The following PLSCR4 variants were observed in gnomAD, a reference collection of about 807,000 sequenced individuals.
PLSCR4 encodes the protein phospholipid scramblase 4, also known as Ca(2+)-dependent phospholipid scramblase 4.
In PLSCR4, 25 loss-of-function variants were observed where a neutral mutation model predicts 36.3. The ratio of observed to expected loss-of-function variants is 0.69; its 90% CI spans 0.50 to 0.96. The LOEUF (loss-of-function observed/expected upper bound fraction) is 0.96, where lower values mean the gene tolerates loss of function less well. PLSCR4 is among the 40% of genes least tolerant of loss of function. PLSCR4 has a pLI of 0.00. For synonymous variants in PLSCR4, 122 were observed against 132.9 expected (o/e 0.92, Z 0.56); for missense variants, 408 against 414.7 (o/e 0.98, Z 0.14).
At chr3:146,198,568 T>C (rs1462183879) in intron 6 of PLSCR4, among the ~76,000 whole-genome samples, 1 of 151,904 alleles carries the variant, frequency 6.6e-6, no homozygotes. Flanking sequence ...GCCTGGCTAA[T>C]TTTTTTATTT....
intron 1 of PLSCR4, among the ~76,000 whole-genome samples, chr3:146,228,393 A>T (rs1309551326): frequency 6.6e-6 from 1 of 152,122 alleles, no homozygotes; most frequent in Non-Finnish European, 1.5e-5. Context: ...ACTAATTCCC[A>T]TCTTCTATAT....
At chr3:146,212,379 C>A (rs1399164697) in intron 3 of PLSCR4, among the ~76,000 whole-genome samples, 1 of 149,662 alleles carries the variant, frequency 6.7e-6, no homozygotes, top group African/African-American at 2.5e-5. Flanking sequence ...TATATCCTAA[C>A]ACACTGCTGA....
chr3:146,225,608 C>T (rs1357136204), intron 1 of PLSCR4, among the ~76,000 whole-genome samples: 1 of 152,202 alleles, frequency 6.6e-6, no homozygotes, highest in Non-Finnish European at 1.5e-5. Flanking sequence ...GGTGAGAAAT[C>T]GAGCACAGCA....
intron 3 of PLSCR4, among the ~76,000 whole-genome samples, chr3:146,214,978 A>C (rs1321259524): frequency 1.3e-5 from 2 of 151,990 alleles, no homozygotes; most frequent in Non-Finnish European, 2.9e-5. Flanking sequence ...ATATGAATAC[A>C]CTCATTCTGT....
intron 3 of PLSCR4, among the ~76,000 whole-genome samples, chr3:146,216,037 C>G (rs2034877291): frequency 6.6e-6 from 1 of 152,102 alleles, no homozygotes; most frequent in Non-Finnish European, 1.5e-5. Flanking sequence ...TTGAGACCAG[C>G]CTGGCCAACA....
At chr3:146,206,800 C>A in intron 3 of PLSCR4, 39 bp from the exon 4 acceptor site, 1 of 1,284,758 alleles carries the variant, frequency 7.8e-7, no homozygotes, top group Non-Finnish European at 1.1e-6. Flanking sequence ...ATATTATTAA[C>A]ACTAAAGTTA....
chr3:146,195,308 T>A, intron 7 of PLSCR4, 26 bp from the exon 8 acceptor site: 2 of 1,596,164 alleles, frequency 1.3e-6, no homozygotes, highest in Non-Finnish European at 1.7e-6. Flanking sequence ...TGTGCCTTTA[T>A]GATGATTGAA....
rs1364951918 is a variant in PLSCR4 at position 146,194,350 on chromosome 3, A to C, written c.*61T>G. On this transcript the variant is annotated 3_prime_UTR_variant, in exon 9 of 9. Coordinates refer to ENST00000354952, the MANE Select transcript of PLSCR4 (RefSeq NM_020353.3). ...TGCAAATAACTGAGTGCTGACTGTA[A>C]GCCCAATCCAACTTTTCCATTTTTC... The C allele has an allele frequency of 5.5e-6, 6 of 1,094,714 alleles. No individual in the cohort carries two copies. The highest frequency in any genetic ancestry group is 8.5e-6 in the Non-Finnish European group (6 of 708,258). 67.8% of individuals were successfully genotyped at this position (1,094,714 alleles called of 1,614,324 possible).
intron 7 of PLSCR4, 200 bp downstream of exon 7, chr3:146,196,432 T>TA (rs112553577): frequency 0.024 from 13,264 of 549,678 alleles, 1,348 homozygotes; most frequent in African/African-American, 0.22. Context: ...ACTGAAGTCA[T>TA]AAAAAAAGCT....
intron 1 of PLSCR4, among the ~76,000 whole-genome samples, chr3:146,240,059 AG>A (rs1315073511): frequency 1.3e-5 from 2 of 152,212 alleles, no homozygotes; most frequent in African/African-American, 4.8e-5. Context: ...AAAATTTAAA[AG>A]GTTTGTAATT....
intron 6 of PLSCR4, 45 bp from the exon 7 acceptor site, chr3:146,196,838 A>T (rs776390502): frequency 6.5e-7 from 1 of 1,530,476 alleles, no homozygotes; most frequent in Non-Finnish European, 9.0e-7. Flanking sequence ...ACATGCATAC[A>T]CATACACTTA....
At chr3:146,200,287 G>T (rs1336350622) in intron 5 of PLSCR4, among the ~76,000 whole-genome samples, 2 of 151,934 alleles carry the variant, frequency 1.3e-5, no homozygotes, top group Non-Finnish European at 2.9e-5. Flanking sequence ...TAAAAGAAAA[G>T]ATTGAAACAA....
chr3:146,221,278 A>C (rs1244238605), intron 2 of PLSCR4, among the ~76,000 whole-genome samples: 1 of 152,216 alleles, frequency 6.6e-6, no homozygotes, highest in African/African-American at 2.4e-5. Flanking sequence ...AATATGGAGA[A>C]CACAAGCATT....
At chr3:146,221,261 T>A (rs9874234) in intron 2 of PLSCR4, among the ~76,000 whole-genome samples, 53,013 of 151,840 alleles carry the variant, frequency 0.35, 9,299 homozygotes, top group Admixed American at 0.38. Flanking sequence ...TATTTTTCCC[T>A]TTACATAATA....
chr3:146,219,068 G>A (rs943998802), intron 3 of PLSCR4, among the ~76,000 whole-genome samples: 5 of 152,164 alleles, frequency 3.3e-5, no homozygotes, highest in East Asian at 1.9e-4. Flanking sequence ...GTCAGTCTTC[G>A]TAAGTTTATA....
chr3:146,243,094 T>C (rs1023810450), intron 1 of PLSCR4, among the ~76,000 whole-genome samples: 1 of 152,180 alleles, frequency 6.6e-6, no homozygotes, highest in East Asian at 1.9e-4. Flanking sequence ...TAATTGACAC[T>C]TGGACCATTT....
chr3:146,230,129 G>A (rs1196377792), intron 1 of PLSCR4, among the ~76,000 whole-genome samples: 2 of 152,066 alleles, frequency 1.3e-5, no homozygotes, highest in East Asian at 3.9e-4. Context: ...CCCTAAGCCT[G>A]TGGAGTTGCA....
chr3:146,222,011 A>G, intron 2 of PLSCR4, 54 bp downstream of exon 2: 1 of 1,082,942 alleles, frequency 9.2e-7, no homozygotes, highest in Non-Finnish European at 1.3e-6. Flanking sequence ...GAAAATAATC[A>G]CAAAATTCAC....
chr3:146,212,827 CTAAACA>C (rs1370076394), intron 3 of PLSCR4, among the ~76,000 whole-genome samples: 1 of 152,164 alleles, frequency 6.6e-6, no homozygotes, highest in African/African-American at 2.4e-5. Flanking sequence ...GTCTTTACTC[CTAAACA>C]TAATGTTTGG....
Sources: allele counts gnomAD v4.1 joint callset (sites outside exome capture counted in the v4.1 genomes callset), GRCh38; gene constraint gnomAD v4.1.1; transcripts MANE v1.5; gene names NCBI Gene and HGNC (gene_info 2026-07-23, HGNC 2026-07-21).